Variants in SHOC2 observed in about 807,000 individuals in gnomAD.
The protein encoded by SHOC2 is SHOC2 leucine rich repeat scaffold protein, also known as leucine-rich repeat protein SHOC-2.
Under a neutral mutation model 50.2 loss-of-function variants are expected in SHOC2, and 4 were observed. The observed-to-expected ratio is 0.08, with a 90% CI of 0.04 to 0.18. The LOEUF (loss-of-function observed/expected upper bound fraction) is 0.18. Ranked by LOEUF, SHOC2 falls within the 10% of genes least tolerant of loss-of-function variation. SHOC2 has a pLI of 1.00. For synonymous variants in SHOC2, 218 were observed against 244.5 expected, an observed-to-expected ratio of 0.89 and a Z score of 1.01; for missense variants, 388 against 669.6, an observed-to-expected ratio of 0.58 and a Z score of 4.64.
rs10885074 is a variant in SHOC2, at chr10:110,986,008, T to C, written c.841+243T>C. ...GAGAGAATATTGAGTTACATGTATA[T>C]ATATTCTGTCATAGTTTGAATTGCA... On this transcript the variant is annotated intron_variant, in intron 3 of 8. Coordinates refer to ENST00000369452, the MANE Select transcript of SHOC2 (RefSeq NM_007373.4). 0.64 allele frequency: 289,094 copies of C among 449,836 alleles called. 99,815 individuals are homozygous for C. The highest frequency in any genetic ancestry group is 0.75 in the Non-Finnish European group (185,498 of 246,666). The allele number at this position is 449,836 out of a possible 1,614,324, so 27.9% of individuals were successfully genotyped here.
At chr10:110,941,803 GA>G (rs1271514041) in intron 1 of SHOC2, among the ~76,000 whole-genome samples, 5 of 151,576 alleles carry the variant, frequency 3.3e-5, no homozygotes, top group Admixed American at 6.6e-5. Flanking sequence ...TTTCTTTTAT[GA>G]AAAAAAATTT....
intron 2 of SHOC2, among the ~76,000 whole-genome samples, chr10:110,968,344 A>G (rs183235467): frequency 6.6e-6 from 1 of 152,254 alleles, no homozygotes; most frequent in African/African-American, 2.4e-5. Flanking sequence ...TCCTTGGAGA[A>G]TGTTTATAAA....
intron 2 of SHOC2, among the ~76,000 whole-genome samples, chr10:110,965,581 A>G (rs998957320): frequency 1.3e-5 from 2 of 152,164 alleles, no homozygotes; most frequent in Admixed American, 6.5e-5. Flanking sequence ...TGCATCTTGA[A>G]AGTACTTACA....
chr10:111,009,301 C>T lies in SHOC2; in HGVS notation c.1338C>T (p.Asn446=). Reference sequence around the variant, plus strand: ...AGAAGCTTCCCCATGGTCTTGGAAACCTTAGGAAGTTAAGAGAGTTGGATC... The same window carrying T: ...AGAAGCTTCCCCATGGTCTTGGAAATCTTAGGAAGTTAAGAGAGTTGGATC... ...LLKKLPHGLG[N]LRKLRELDLE... Residue 446 remains asparagine (N), a synonymous_variant, in exon 7 of 9, where the codon AAC becomes AAT. Coordinates refer to ENST00000369452, the MANE Select transcript of SHOC2 (RefSeq NM_007373.4). 6.3e-7 allele frequency: 1 copy of T among 1,598,498 alleles called. No homozygotes were observed. Among genetic ancestry groups the T allele is most frequent in the South Asian group, 1.1e-5 (1 of 90,750 alleles).
At chr10:110,956,587 A>G (rs1265574846) in intron 1 of SHOC2, among the ~76,000 whole-genome samples, 2 of 152,174 alleles carry the variant, frequency 1.3e-5, no homozygotes, top group African/African-American at 4.8e-5. Context: ...GTCCTAAAAT[A>G]TGTTGAAATT....
intron 1 of SHOC2, among the ~76,000 whole-genome samples, chr10:110,947,825 G>A (rs1319772162): frequency 6.7e-6 from 1 of 148,632 alleles, no homozygotes; most frequent in Non-Finnish European, 1.5e-5. Context: ...GAAAGAAATA[G>A]AGGAGCTACA....
chr10:110,925,890 C>T (rs777073107), intron 1 of SHOC2, among the ~76,000 whole-genome samples: 1 of 152,092 alleles, frequency 6.6e-6, no homozygotes, highest in Non-Finnish European at 1.5e-5. Context: ...CTTGATGCTC[C>T]TAATTATTTT....
chr10:110,936,369 C>G (rs575813049), intron 1 of SHOC2, among the ~76,000 whole-genome samples: 1 of 151,994 alleles, frequency 6.6e-6, no homozygotes, highest in South Asian at 2.1e-4. Context: ...TCCCAAAGTG[C>G]TGGTATTACA....
At chr10:111,001,994 C>T (rs1025992606) in intron 4 of SHOC2, among the ~76,000 whole-genome samples, 9 of 150,290 alleles carry the variant, frequency 6.0e-5, no homozygotes, top group Non-Finnish European at 1.2e-4. Context: ...TGCAGTGAGC[C>T]GAGGTGACGC....
At chr10:110,982,300 A>G (rs1299107860) in intron 2 of SHOC2, among the ~76,000 whole-genome samples, 156 of 151,206 alleles carry the variant, frequency 1.0e-3, no homozygotes, top group African/African-American at 3.6e-3. Flanking sequence ...ATTGTGAATA[A>G]TGCCGCAATA....
At chr10:110,936,207 C>T (rs1407625501) in intron 1 of SHOC2, among the ~76,000 whole-genome samples, 1 of 151,590 alleles carries the variant, frequency 6.6e-6, no homozygotes, top group Non-Finnish European at 1.5e-5. Flanking sequence ...AGTGATTTTC[C>T]AGCCTCAACC....
At chr10:110,958,963 CT>C (rs1362363667) in intron 1 of SHOC2, among the ~76,000 whole-genome samples, 1 of 151,978 alleles carries the variant, frequency 6.6e-6, no homozygotes, top group Non-Finnish European at 1.5e-5. Flanking sequence ...CACTTCCTTA[CT>C]CTTAAAATGA....
At chr10:110,938,206 G>T (rs1190244161) in intron 1 of SHOC2, among the ~76,000 whole-genome samples, 1 of 152,120 alleles carries the variant, frequency 6.6e-6, no homozygotes, top group African/African-American at 2.4e-5. Context: ...TCTGTTCTCT[G>T]ATTTGAACAT....
chr10:110,937,784 A>AG (rs1287865231), intron 1 of SHOC2, among the ~76,000 whole-genome samples: 1 of 152,218 alleles, frequency 6.6e-6, no homozygotes, highest in Admixed American at 6.5e-5. Context: ...TTAACATATG[A>AG]GTTTGATTAT....
intron 1 of SHOC2, among the ~76,000 whole-genome samples, chr10:110,960,146 G>A (rs1434589769): frequency 2.0e-5 from 3 of 152,228 alleles, no homozygotes; most frequent in Non-Finnish European, 4.4e-5. Context: ...CAGGGCTTGG[G>A]AAACTATGGC....
intron 1 of SHOC2, among the ~76,000 whole-genome samples, chr10:110,933,286 A>G (rs944909421): frequency 6.6e-6 from 1 of 152,164 alleles, no homozygotes; most frequent in Non-Finnish European, 1.5e-5. Context: ...ACAGAGATAA[A>G]AAGTGAAAAT....
At chr10:110,990,698 A>T (rs1848168900) in intron 3 of SHOC2, among the ~76,000 whole-genome samples, 1 of 152,008 alleles carries the variant, frequency 6.6e-6, no homozygotes, top group Non-Finnish European at 1.5e-5. Context: ...CCCCTTCCAC[A>T]CTGTGGAAGC....
At chr10:110,936,805 G>C (rs536848311) in intron 1 of SHOC2, 1 of 1,162,168 alleles carries the variant, frequency 8.6e-7, no homozygotes, top group East Asian at 2.4e-5. Context: ...AGCCAACCTC[G>C]TGAGCCAGGT....
chr10:110,946,169 G>A (rs909751644), intron 1 of SHOC2, among the ~76,000 whole-genome samples: 2 of 151,942 alleles, frequency 1.3e-5, no homozygotes, highest in African/African-American at 4.8e-5. Flanking sequence ...TATTATTGTA[G>A]TGGTAACTTC....
Sources: gnomAD v4.1 joint callset for allele counts (sites outside exome capture counted in the v4.1 genomes callset) on GRCh38, gnomAD v4.1.1 for gene constraint, MANE v1.5 for transcripts, NCBI Gene and HGNC (gene_info 2026-07-23, HGNC 2026-07-21) for gene names.